Variants in PIK3CB observed in about 807,000 individuals in gnomAD.
PIK3CB encodes the protein phosphatidylinositol 4,5-bisphosphate 3-kinase catalytic subunit beta isoform.
PIK3CB carries 39 observed loss-of-function variants against 136.8 expected under a neutral mutation model. The ratio of observed to expected loss-of-function variants is 0.29; its 90% CI spans 0.22 to 0.37. The LOEUF is 0.37. Ranked by LOEUF, PIK3CB falls within the 10% of genes least tolerant of loss-of-function variation. The pLI, the probability that PIK3CB is intolerant of heterozygous loss-of-function variation, is 1.00. For synonymous variants in PIK3CB, 428 were observed against 436.6 expected, an observed-to-expected ratio of 0.98 and a Z score of 0.25; for missense variants, 868 against 1,275.4, an observed-to-expected ratio of 0.68 and a Z score of 4.87.
chr3:138,700,029 C>T (rs2044216662), intron 12 of PIK3CB, among the ~76,000 whole-genome samples: 1 of 151,934 alleles, frequency 6.6e-6, no homozygotes, highest in Non-Finnish European at 1.5e-5. Context: ...AAGTGAGACC[C>T]CTAATTCTAC....
chr3:138,652,806 C>T lies in PIK3CB; in HGVS notation c.*2583G>A. 1 of 222,752 alleles carries T rather than the reference C, an allele frequency of 4.5e-6. No homozygotes were observed. Among genetic ancestry groups the T allele is most frequent in the Admixed American group, 5.7e-5 (1 of 17,408 alleles). The allele number at this position is 222,752 out of a possible 1,614,324, so 13.8% of individuals were successfully genotyped here. On this transcript the variant is annotated 3_prime_UTR_variant, in exon 24 of 24. Transcript: ENST00000674063. ...CTTGAGGTAATGGATACCCCAATTACCCTGATGCGATAATTACATGTTATA... is the reference window on the plus strand; with the variant it reads ...CTTGAGGTAATGGATACCCCAATTATCCTGATGCGATAATTACATGTTATA...
intron 1 of PIK3CB, among the ~76,000 whole-genome samples, chr3:138,805,202 G>A (rs891246249): frequency 1.3e-5 from 2 of 150,510 alleles, no homozygotes; most frequent in African/African-American, 4.9e-5. Flanking sequence ...GCATGGTGGC[G>A]CATGCCCGTA....
At chr3:138,696,163 T>G (rs2044133475) in intron 13 of PIK3CB, among the ~76,000 whole-genome samples, 1 of 151,840 alleles carries the variant, frequency 6.6e-6, no homozygotes. Context: ...GAATGCCTAG[T>G]AATTTTTAAA....
At chr3:138,811,079 A>T (rs1371384200) in intron 1 of PIK3CB, among the ~76,000 whole-genome samples, 2 of 144,488 alleles carry the variant, frequency 1.4e-5, no homozygotes, top group Non-Finnish European at 3.1e-5. Context: ...ATACAAAAAT[A>T]AGCTGGGCAT....
intron 13 of PIK3CB, among the ~76,000 whole-genome samples, chr3:138,695,296 A>G (rs1244956232): frequency 6.6e-6 from 1 of 152,190 alleles, no homozygotes; most frequent in African/African-American, 2.4e-5. Context: ...GGTATATGAT[A>G]TGTATGCAAG....
intron 2 of PIK3CB, among the ~76,000 whole-genome samples, chr3:138,794,073 C>T (rs2046083004): frequency 6.6e-6 from 1 of 152,168 alleles, no homozygotes; most frequent in Non-Finnish European, 1.5e-5. Context: ...AGAGATTCTT[C>T]TGCCTCAGCC....
At chr3:138,802,979 T>C (rs937918385) in intron 1 of PIK3CB, among the ~76,000 whole-genome samples, 67 of 152,226 alleles carry the variant, frequency 4.4e-4, no homozygotes, top group African/African-American at 1.3e-3. Context: ...CTAAAAGAAA[T>C]GTACAAAAGA....
At chr3:138,754,933 G>A (rs1371874219) in intron 4 of PIK3CB, among the ~76,000 whole-genome samples, 1 of 152,120 alleles carries the variant, frequency 6.6e-6, no homozygotes. Context: ...ATTCAAGTCA[G>A]TACCCTCTCT....
chr3:138,826,766 C>G (rs1450004579), intron 1 of PIK3CB, among the ~76,000 whole-genome samples: 1 of 152,052 alleles, frequency 6.6e-6, no homozygotes, highest in Non-Finnish European at 1.5e-5. Context: ...ACTAAGTTGT[C>G]TAATTAAACT....
At chr3:138,811,699 C>T (rs1041624543) in intron 1 of PIK3CB, among the ~76,000 whole-genome samples, 4 of 152,016 alleles carry the variant, frequency 2.6e-5, no homozygotes, top group Admixed American at 1.3e-4. Context: ...GCTGGGATTA[C>T]AGGTGTGAGC....
chr3:138,800,465 G>A (rs1026656163), intron 1 of PIK3CB, among the ~76,000 whole-genome samples: 9 of 151,640 alleles, frequency 5.9e-5, no homozygotes, highest in African/African-American at 2.2e-4. Flanking sequence ...TGGGACTACA[G>A]GCGTGTGCCA....
At chr3:138,703,798 C>T (rs1361062279) in intron 12 of PIK3CB, among the ~76,000 whole-genome samples, 3 of 152,132 alleles carry the variant, frequency 2.0e-5, no homozygotes. Context: ...TTACTCTTAG[C>T]CAAGCGCATG....
chr3:138,690,901 GA>G, intron 15 of PIK3CB, 98 bp downstream of exon 15: 1 of 954,716 alleles, frequency 1.0e-6, no homozygotes, highest in Admixed American at 2.3e-5. Context: ...AAACGGTTCA[GA>G]AAAAAACTAA....
At chr3:138,656,300 G>A in intron 22 of PIK3CB, 26 bp from the exon 23 acceptor site, 1 of 1,613,634 alleles carries the variant, frequency 6.2e-7, no homozygotes, top group Non-Finnish European at 8.5e-7. Context: ...CAAACCACAT[G>A]AGCACAGTGT....
intron 19 of PIK3CB, among the ~76,000 whole-genome samples, chr3:138,672,486 A>G (rs367805914): frequency 2.7e-4 from 41 of 152,356 alleles, no homozygotes; most frequent in African/African-American, 9.4e-4. Flanking sequence ...AAGGACCTTT[A>G]CAGAAAACAT....
intron 4 of PIK3CB, among the ~76,000 whole-genome samples, chr3:138,743,056 AAAGT>A (rs2045276260): frequency 2.0e-5 from 3 of 152,244 alleles, no homozygotes; most frequent in Admixed American, 2.0e-4. Context: ...CCAGTTTTAC[AAAGT>A]AATTCACAAT....
rs772158141 is a variant in PIK3CB, at chr3:138,737,848, A to G, written c.660T>C (p.Pro220=). The G allele has an allele frequency of 1.7e-5, 27 of 1,607,572 alleles. No homozygotes were observed. Among genetic ancestry groups the G allele is most frequent in the Non-Finnish European group, 2.2e-5 (26 of 1,176,496 alleles). Residue 220 remains proline, a synonymous_variant, in exon 6 of 24, where the codon CCT becomes CCC. Transcript: ENST00000674063. ...GGATTGCCAATTCATTTACTTTGAT[A>G]GGATTCATATTAGGAGACACTTGAA... ...FSFQVSPNMN[P]IKVNELAIQK...
At chr3:138,718,337 G>C (rs1374555349) in intron 8 of PIK3CB, among the ~76,000 whole-genome samples, 1 of 152,070 alleles carries the variant, frequency 6.6e-6, no homozygotes, top group Non-Finnish European at 1.5e-5. Flanking sequence ...CTTTTGAAAA[G>C]TGTCTGTTCA....
chr3:138,693,179 C>T (rs1410611979), intron 14 of PIK3CB, among the ~76,000 whole-genome samples: 6 of 152,014 alleles, frequency 3.9e-5, no homozygotes, highest in African/African-American at 1.5e-4. Flanking sequence ...CTGCAACCTC[C>T]GCCTCCAGGG....
Sources: gnomAD v4.1 joint callset for allele counts (sites outside exome capture counted in the v4.1 genomes callset) on GRCh38, gnomAD v4.1.1 for gene constraint, MANE v1.5 for transcripts, NCBI Gene and HGNC (gene_info 2026-07-23, HGNC 2026-07-21) for gene names.